CNDP2: variants seen among roughly 807,000 people sequenced by gnomAD.
The protein encoded by CNDP2 is cytosolic non-specific dipeptidase.
In CNDP2, 38 loss-of-function variants were observed where a neutral mutation model predicts 55.0. That is an observed-to-expected ratio of 0.69 (90% CI 0.53 to 0.90). The LOEUF (loss-of-function observed/expected upper bound fraction) is 0.90. CNDP2 is among the 40% of genes least tolerant of loss of function. The probability of loss-of-function intolerance (pLI) is 0.00; values close to 1 mark genes in which losing one functional copy is unlikely to be tolerated. For synonymous variants in CNDP2, 241 were observed against 260.2 expected (o/e 0.93, Z 0.71); for missense variants, 607 against 621.7 (o/e 0.98, Z 0.25).
intron 5 of CNDP2, among the ~76,000 whole-genome samples, chr18:74,510,411 C>T (rs903360610): frequency 5.3e-5 from 8 of 152,324 alleles, no homozygotes; most frequent in African/African-American, 9.6e-5. Context: ...TCAGGCTCCT[C>T]GGGGAGAGCA....
At chr18:74,518,765 A>C in intron 10 of CNDP2, 125 bp downstream of exon 10, 1 of 1,446,264 alleles carries the variant, frequency 6.9e-7, no homozygotes, top group Non-Finnish European at 9.5e-7. Flanking sequence ...CGTGTAGTTA[A>C]GTCAGCATGA....
chr18:74,505,598 C>CAA (rs369659489), intron 3 of CNDP2, among the ~76,000 whole-genome samples: 4 of 123,210 alleles, frequency 3.2e-5, no homozygotes, highest in East Asian at 2.3e-4. Context: ...GATTCTGTCT[C>CAA]AAAAAAAAAA....
At chr18:74,519,834 G>C (rs950551115) in intron 11 of CNDP2, among the ~76,000 whole-genome samples, 165 bp from the exon 12 acceptor site, 1 of 152,228 alleles carries the variant, frequency 6.6e-6, no homozygotes, top group Non-Finnish European at 1.5e-5. Flanking sequence ...TTGAGAACCG[G>C]GGTGCTGAAT....
At chr18:74,514,458 C>T (rs1262903996) in intron 8 of CNDP2, among the ~76,000 whole-genome samples, 1 of 149,828 alleles carries the variant, frequency 6.7e-6, no homozygotes, top group East Asian at 2.0e-4. Flanking sequence ...GTAAGTTCTG[C>T]AGGCTATAGG....
Position 74,512,454 on chromosome 18 carries a change from T to C in CNDP2, c.664T>C (p.Cys222Arg). The change falls in exon 7 of 12, where the codon TGC (cysteine) becomes CGC (arginine). Residue 222 changes from cysteine to arginine, a missense_variant. Cys to Arg is a radical substitution (Grantham distance 180, BLOSUM62 -3). Coordinates refer to ENST00000324262, the MANE Select transcript of CNDP2 (RefSeq NM_018235.3). ...GICYFFIEVE[C>R]SNKDLHSGVY... Reference sequence around the variant, plus strand: ...GGCCTTTGTTTCCGTGCAGGTGGAGTGCAGCAACAAAGACCTCCATTCTGG... The same window carrying C: ...GGCCTTTGTTTCCGTGCAGGTGGAGCGCAGCAACAAAGACCTCCATTCTGG... 6.2e-7 allele frequency: 1 copy of C among 1,613,092 alleles called. No homozygotes were observed. Among genetic ancestry groups the C allele is most frequent in the Non-Finnish European group, 8.5e-7 (1 of 1,179,554 alleles).
At chr18:74,499,630 A>G (rs35785644) in intron 1 of CNDP2, 174 of 271,034 alleles carry the variant, frequency 6.4e-4, no homozygotes, top group Non-Finnish European at 9.0e-4. Context: ...AAAAGTGCCT[A>G]CTTTTAGTTT....
intron 3 of CNDP2, among the ~76,000 whole-genome samples, chr18:74,505,409 C>T (rs927305558): frequency 6.6e-6 from 1 of 151,908 alleles, no homozygotes; most frequent in African/African-American, 2.4e-5. Flanking sequence ...GACCACCGTG[C>T]GGGCAACAGT....
chr18:74,519,413 G>A (rs771228345), intron 11 of CNDP2, among the ~76,000 whole-genome samples: 5 of 152,010 alleles, frequency 3.3e-5, no homozygotes, highest in African/African-American at 7.3e-5. Flanking sequence ...AACTGCACAC[G>A]TTGCTGCTTT....
At chr18:74,512,268 T>C (rs1340697417) in intron 6 of CNDP2, among the ~76,000 whole-genome samples, 180 bp from the exon 7 acceptor site, 3 of 152,246 alleles carry the variant, frequency 2.0e-5, no homozygotes, top group Admixed American at 6.5e-5. Context: ...TAAGCTGGTA[T>C]GTTTTTGTTC....
intron 9 of CNDP2, chr18:74,516,997 A>G (rs1034186757): frequency 4.8e-4 from 22 of 45,656 alleles, no homozygotes; most frequent in African/African-American, 1.2e-3. Flanking sequence ...TACGTGGCAG[A>G]CGCGATAGCT....
intron 3 of CNDP2, among the ~76,000 whole-genome samples, chr18:74,503,802 G>A (rs1978847146): frequency 1.3e-5 from 2 of 149,128 alleles, no homozygotes; most frequent in African/African-American, 2.6e-5. Flanking sequence ...CACTGCACAC[G>A]CAGCCACAGT....
intron 11 of CNDP2, 74 bp downstream of exon 11, chr18:74,519,170 T>C: frequency 6.7e-7 from 1 of 1,498,602 alleles, no homozygotes; most frequent in Non-Finnish European, 8.9e-7. Context: ...CTTCCCCCCG[T>C]GTGCAGCTGC....
intron 8 of CNDP2, among the ~76,000 whole-genome samples, chr18:74,515,405 C>T (rs963576283): frequency 1.3e-5 from 2 of 152,108 alleles, no homozygotes; most frequent in Admixed American, 6.5e-5. Flanking sequence ...CGGGGAGGAG[C>T]GGGCCTGGGA....
chr18:74,519,232 T>C lies in CNDP2; in HGVS notation c.1358+136T>C. On this transcript the variant is annotated intron_variant, in intron 11 of 11. Transcript: ENST00000324262. ...CCCGTGACCTGCCCTCCTGTATTTG[T>C]GTGAAGTGGGAACTTCAGATGGGAG... 3 of 1,181,200 alleles carry C rather than the reference T, an allele frequency of 2.5e-6. No homozygotes were observed. The East Asian group carries it at 7.9e-5, about 31-fold the overall frequency. 73.2% of individuals were successfully genotyped at this position (1,181,200 alleles called of 1,614,324 possible).
rs140285373 is a variant in CNDP2, at chr18:74,514,248, T to A, written c.903+529T>A. On this transcript the variant is annotated intron_variant, in intron 8 of 11. Transcript: ENST00000324262. ...GATGTGAGTTCTGCGGGCTATAGATTTATGTGGTATGGATGTAAGTTCTGC... is the reference window on the plus strand; with the variant it reads ...GATGTGAGTTCTGCGGGCTATAGATATATGTGGTATGGATGTAAGTTCTGC... Among the ~76,000 whole-genome samples, 1,150 of 152,182 alleles carry A rather than the reference T, an allele frequency of 7.6e-3. 14 individuals carry two copies. Among genetic ancestry groups the A allele is most frequent in the Middle Eastern group, 0.017 (5 of 292 alleles).
At chr18:74,517,734 T>C (rs558585517) in intron 9 of CNDP2, 3 of 151,988 alleles carry the variant, frequency 2.0e-5, no homozygotes, top group Non-Finnish European at 2.9e-5. Context: ...TGTGACTTTG[T>C]CTCACACCTT....
intron 8 of CNDP2, among the ~76,000 whole-genome samples, chr18:74,514,863 C>G (rs1979581498): frequency 6.6e-6 from 1 of 152,210 alleles, no homozygotes; most frequent in Non-Finnish European, 1.5e-5. Flanking sequence ...TAAGGCCCGG[C>G]TGGGCTCTTG....
intron 6 of CNDP2, 73 bp from the exon 7 acceptor site, chr18:74,512,375 T>G (rs994257943): frequency 1.2e-5 from 16 of 1,367,196 alleles, no homozygotes; most frequent in Non-Finnish European, 1.5e-5. Flanking sequence ...TGCTCTTTGT[T>G]GAATTTACTG....
chr18:74,509,214 C>G, intron 5 of CNDP2: 1 of 416,048 alleles, frequency 2.4e-6, no homozygotes, highest in Non-Finnish European at 4.4e-6. Context: ...CAGTCCCTGC[C>G]TGTCTCTGTG....
Sources: gnomAD v4.1 joint callset for allele counts (sites outside exome capture counted in the v4.1 genomes callset) on GRCh38, gnomAD v4.1.1 for gene constraint, MANE v1.5 for transcripts, NCBI Gene and HGNC (gene_info 2026-07-23, HGNC 2026-07-21) for gene names.